GFRA1: variants seen among roughly 807,000 people sequenced by gnomAD.
GFRA1 encodes the protein GDNF family receptor alpha 1, also known as GDNF family receptor alpha-1.
A neutral mutation model predicts 51.6 loss-of-function variants in GFRA1; 16 were observed. The ratio of observed to expected loss-of-function variants is 0.31; its 90% CI spans 0.21 to 0.47. The LOEUF (loss-of-function observed/expected upper bound fraction) is 0.47. Among genes scored for constraint, GFRA1 ranks in the 20% least tolerant of loss-of-function variants. The probability of loss-of-function intolerance (pLI) is 1.00; values close to 1 mark genes in which losing one functional copy is unlikely to be tolerated. For missense variants in GFRA1, 530 were observed against 594.3 expected (o/e 0.89, Z 1.13); for synonymous variants, 270 against 241.3 (o/e 1.12, Z -1.10).
Position 116,208,931 on chromosome 10 carries a change from T to C in GFRA1, c.433+2700A>G, listed in dbSNP as rs1411389773. On this transcript the variant is annotated intron_variant, in intron 5 of 10. Transcript: ENST00000355422. ...ATTGTGAAGAGCAATTCTATGGCAC[T>C]TTGGAATTCCTGAGAGCTACCCAAT... is the stretch of plus-strand genomic sequence containing the variant. 2.0e-5 allele frequency among the ~76,000 whole-genome samples: 3 copies of C among 152,190 alleles called. No homozygotes were observed. The East Asian group carries it at 5.8e-4, about 29-fold the overall frequency.
At chr10:116,146,556 T>C (rs376201027) in intron 5 of GFRA1, among the ~76,000 whole-genome samples, 117 of 152,378 alleles carry the variant, frequency 7.7e-4, no homozygotes, top group African/African-American at 2.6e-3. Context: ...CTCCATGTCA[T>C]GTTGCTGGTG....
At chr10:116,136,709 T>C (rs551672157) in intron 5 of GFRA1, among the ~76,000 whole-genome samples, 1 of 152,346 alleles carries the variant, frequency 6.6e-6, no homozygotes, top group African/African-American at 2.4e-5. Context: ...AGGCTGCCAG[T>C]GCTTGGGACA....
intron 5 of GFRA1, among the ~76,000 whole-genome samples, 184 bp from the exon 6 acceptor site, chr10:116,125,741 G>GA (rs1957844974): frequency 6.6e-6 from 1 of 152,186 alleles, no homozygotes; most frequent in Admixed American, 6.5e-5. Flanking sequence ...CAAATACCAG[G>GA]AGTCTACGGC....
At chr10:116,212,054 T>A (rs1313884170) in intron 4 of GFRA1, among the ~76,000 whole-genome samples, 1 of 152,192 alleles carries the variant, frequency 6.6e-6, no homozygotes, top group African/African-American at 2.4e-5. Context: ...TAGTTCTCAT[T>A]TTATAGATGG....
At chr10:116,173,923 A>C (rs1961310629) in intron 5 of GFRA1, among the ~76,000 whole-genome samples, 1 of 152,150 alleles carries the variant, frequency 6.6e-6, no homozygotes, top group African/African-American at 2.4e-5. Context: ...TCTACTAAAA[A>C]TACAAAACTA....
intron 9 of GFRA1, among the ~76,000 whole-genome samples, chr10:116,073,562 G>C (rs190148437): frequency 1.0e-3 from 155 of 152,314 alleles, no homozygotes; most frequent in Non-Finnish European, 1.8e-3. Flanking sequence ...GAGGGCGGCT[G>C]TTTTGTATAG....
intron 4 of GFRA1, among the ~76,000 whole-genome samples, chr10:116,239,779 G>C (rs1967201185): frequency 6.6e-6 from 1 of 151,952 alleles, no homozygotes; most frequent in Admixed American, 6.6e-5. Flanking sequence ...ATTTATACTT[G>C]GGTTTTTAAA....
chr10:116,268,036 A>G (rs569639027), intron 4 of GFRA1, among the ~76,000 whole-genome samples: 3 of 152,340 alleles, frequency 2.0e-5, no homozygotes, highest in South Asian at 2.1e-4. Context: ...CTTCATGTAC[A>G]TATGAAGAAC....
chr10:116,082,470 GTTTT>G, intron 9 of GFRA1, among the ~76,000 whole-genome samples: 1 of 121,022 alleles, frequency 8.3e-6, no homozygotes, highest in South Asian at 2.4e-4. Flanking sequence ...CCTTGCTTTT[GTTTT>G]TTTTGTTTTT....
chr10:116,225,543 A>G (rs1246528381), intron 4 of GFRA1, among the ~76,000 whole-genome samples: 5,307 of 146,746 alleles, frequency 0.036, 233 homozygotes, highest in Non-Finnish European at 0.055. Flanking sequence ...CCAAAAAAAA[A>G]AAAAAAAAAA....
intron 2 of GFRA1, among the ~76,000 whole-genome samples, chr10:116,271,413 G>C (rs1843927328): frequency 1.3e-5 from 2 of 152,062 alleles, no homozygotes; most frequent in Admixed American, 6.5e-5. Context: ...CCTCCGCCCC[G>C]GGGCATCCTG....
At chr10:116,259,550 G>A (rs528765830) in intron 4 of GFRA1, among the ~76,000 whole-genome samples, 1 of 152,234 alleles carries the variant, frequency 6.6e-6, no homozygotes, top group South Asian at 2.1e-4. Flanking sequence ...CCCATCAGAC[G>A]GCAGGCCCAA....
chr10:116,108,734 G>A (rs1957091652), intron 6 of GFRA1, among the ~76,000 whole-genome samples: 1 of 152,186 alleles, frequency 6.6e-6, no homozygotes, highest in African/African-American at 2.4e-5. Context: ...GCCCCGAGCA[G>A]GGTGCCAGCT....
intron 5 of GFRA1, among the ~76,000 whole-genome samples, chr10:116,171,683 G>T (rs901144296): frequency 2.0e-5 from 3 of 152,234 alleles, no homozygotes; most frequent in African/African-American, 7.2e-5. Context: ...CAGCTGGAAT[G>T]ATGGTGACTG....
At chr10:116,181,172 A>G (rs1458098313) in intron 5 of GFRA1, among the ~76,000 whole-genome samples, 3 of 152,210 alleles carry the variant, frequency 2.0e-5, no homozygotes, top group African/African-American at 7.2e-5. Context: ...TGCTTGTGAT[A>G]TTACTTTCTG....
rs181163557 is a variant in GFRA1, at chr10:116,222,613, T to C, written c.419-10968A>G. On this transcript the variant is annotated intron_variant, in intron 4 of 10. Transcript: ENST00000355422. Reference sequence around the variant, plus strand: ...CAGTGATATGGGGCTGTTGTGAAGATTACAGGAAATCAAGCTAATAAAGAC... The same window carrying C: ...CAGTGATATGGGGCTGTTGTGAAGACTACAGGAAATCAAGCTAATAAAGAC... Among the ~76,000 whole-genome samples the C allele has an allele frequency of 4.2e-4, 64 of 152,238 alleles. No individual in the cohort carries two copies. The East Asian group carries it at 0.01, about 25-fold the overall frequency.
chr10:116,123,070 C>T (rs1056483073), intron 6 of GFRA1, among the ~76,000 whole-genome samples: 1 of 152,240 alleles, frequency 6.6e-6, no homozygotes, highest in Non-Finnish European at 1.5e-5. Context: ...TCCATCCCAT[C>T]GCTGGACCCC....
intron 5 of GFRA1, among the ~76,000 whole-genome samples, chr10:116,136,978 C>A (rs1378916197): frequency 6.6e-6 from 1 of 152,192 alleles, no homozygotes; most frequent in Non-Finnish European, 1.5e-5. Context: ...AAAGCCATTG[C>A]TCCAAAGATG....
At chr10:116,089,652 C>T (rs1956244432) in intron 9 of GFRA1, 89 bp downstream of exon 9, 1 of 1,077,140 alleles carries the variant, frequency 9.3e-7, no homozygotes, top group Non-Finnish European at 1.4e-6. Flanking sequence ...TCATCTCTCT[C>T]TGCATACATT....
Sources: allele counts gnomAD v4.1 joint callset (sites outside exome capture counted in the v4.1 genomes callset), GRCh38; gene constraint gnomAD v4.1.1; transcripts MANE v1.5; gene names NCBI Gene and HGNC (gene_info 2026-07-23, HGNC 2026-07-21).